Variants in NR3C1 observed in about 807,000 individuals in gnomAD.
NR3C1 encodes the protein glucocorticoid receptor.
A neutral mutation model predicts 74.0 loss-of-function variants in NR3C1; 14 were observed. The ratio of observed to expected loss-of-function variants is 0.19; its 90% CI spans 0.12 to 0.30. The LOEUF (loss-of-function observed/expected upper bound fraction) is 0.30, where lower values mean the gene tolerates loss of function less well. Ranked by LOEUF, NR3C1 falls within the 10% of genes least tolerant of loss-of-function variation. The probability of loss-of-function intolerance (pLI) is 1.00; values close to 1 mark genes in which losing one functional copy is unlikely to be tolerated. For synonymous variants in NR3C1, 308 were observed against 332.5 expected (o/e 0.93, Z 0.80); for missense variants, 695 against 909.8 (o/e 0.76, Z 3.04).
At chr5:143,419,657 C>T (rs1235224812) in intron 1 of NR3C1, among the ~76,000 whole-genome samples, 1 of 152,122 alleles carries the variant, frequency 6.6e-6, no homozygotes, top group Non-Finnish European at 1.5e-5. Context: ...GTGTGGGTCA[C>T]AGAGATCACG....
At chr5:143,420,824 A>G (rs1178293352) in intron 1 of NR3C1, among the ~76,000 whole-genome samples, 1 of 152,164 alleles carries the variant, frequency 6.6e-6, no homozygotes, top group East Asian at 1.9e-4. Context: ...CGGTAAAACC[A>G]TGTTTCTTAA....
rs183375519 is a variant in NR3C1 at position 143,332,772 on chromosome 5, C to T, written c.1185-18604G>A. The T allele has an allele frequency of 1.1e-4, 173 of 1,582,518 alleles. 1 individual carries two copies. The African/African-American group carries it at 1.4e-3, about 13-fold the overall frequency. On this transcript the variant is annotated intron_variant, in intron 2 of 8. Transcript: ENST00000394464. The stretch of plus-strand genomic sequence containing the variant: ...TAAACATTCCTTGGCCTTTGTTGTA[C>T]GCATCGAAAGGATTGATGGCGTGAG...
At chr5:143,340,907 A>G (rs947327341) in intron 2 of NR3C1, among the ~76,000 whole-genome samples, 37 of 152,272 alleles carry the variant, frequency 2.4e-4, no homozygotes, top group Non-Finnish European at 4.7e-4. Context: ...CTTGTTGTAC[A>G]TATTATTTCA....
exon 1 of NR3C1, chr5:143,435,172 C>T (rs1457200153): frequency 4.1e-6 from 4 of 985,408 alleles, no homozygotes; most frequent in Non-Finnish European, 4.8e-6. Context: ...TTCCTCCCTG[C>T]CTTCACCACT....
At chr5:143,307,814 A>C (rs1351538649) in intron 4 of NR3C1, among the ~76,000 whole-genome samples, 1 of 152,224 alleles carries the variant, frequency 6.6e-6, no homozygotes, top group East Asian at 1.9e-4. Flanking sequence ...ACTGGGTAAA[A>C]TCTGGGCAGA....
In NR3C1 at chr5:143,278,335, C is replaced by T. The variant is rs554677509; in HGVS notation, c.*3554G>A. On this transcript the variant is annotated 3_prime_UTR_variant, in exon 9 of 9. Transcript: ENST00000394464. Reference sequence around the variant, plus strand: ...TTTAATATACAAAATAGAATATTGACACACTTGAATCTATATGTAGTTAAG... The same window carrying T: ...TTTAATATACAAAATAGAATATTGATACACTTGAATCTATATGTAGTTAAG... The T allele has an allele frequency of 2.0e-5, 3 of 152,218 alleles. No individual in the cohort carries two copies. The highest frequency in any genetic ancestry group is 2.9e-5 in the Non-Finnish European group (2 of 68,008). The allele number at this position is 152,218 out of a possible 1,614,324, so 9.4% of individuals were successfully genotyped here. A position where few individuals can be genotyped will look rare whatever the true frequency, so the allele number is the denominator to read the frequency against.
intron 2 of NR3C1, among the ~76,000 whole-genome samples, chr5:143,398,354 T>C (rs1027264817): frequency 3.6e-5 from 4 of 110,406 alleles, no homozygotes; most frequent in Non-Finnish European, 8.8e-5. Context: ...CAAGGTTTTT[T>C]GGTTTTTTTT....
intron 2 of NR3C1, among the ~76,000 whole-genome samples, chr5:143,371,913 C>A (rs1600353198): frequency 6.6e-6 from 1 of 152,174 alleles, no homozygotes; most frequent in East Asian, 1.9e-4. Context: ...ACCTCTTCCC[C>A]ATCTCTGTTC....
chr5:143,299,007 T>G (rs982548817), intron 5 of NR3C1, among the ~76,000 whole-genome samples, 195 bp from the exon 6 acceptor site: 8 of 141,744 alleles, frequency 5.6e-5, no homozygotes, highest in Admixed American at 2.8e-4. Context: ...CCTCTTGTGT[T>G]TTTTTTTTTT....
rs762766248 is a variant in NR3C1 at position 143,430,453 on chromosome 5, G to A, written c.-14+4079C>T. 9.2e-5 allele frequency among the ~76,000 whole-genome samples: 14 copies of A among 152,334 alleles called. No homozygotes were observed. In the South Asian group the frequency reaches 1.5e-3, roughly 16 times the overall value. On this transcript the variant is annotated intron_variant, in intron 1 of 8. Transcript: ENST00000343796. ...TATGAGTAGGAAAGTTTCACGGTAC[G>A]TGTTGTTATATAGACTGAATGTTTG...
intron 2 of NR3C1, among the ~76,000 whole-genome samples, chr5:143,363,071 C>T (rs902817567): frequency 6.6e-5 from 10 of 152,086 alleles, no homozygotes; most frequent in Admixed American, 6.5e-4. Context: ...TTGTAAACTC[C>T]CTGGGTAAGA....
chr5:143,402,974 G>A (rs962133728), intron 1 of NR3C1, among the ~76,000 whole-genome samples: 9 of 152,172 alleles, frequency 5.9e-5, no homozygotes, highest in African/African-American at 1.7e-4. Context: ...CCGAGGTCAG[G>A]TTCCTCCCCC....
intron 2 of NR3C1, among the ~76,000 whole-genome samples, chr5:143,351,342 C>A (rs1830183849): frequency 6.6e-6 from 1 of 152,096 alleles, no homozygotes; most frequent in Admixed American, 6.5e-5. Flanking sequence ...TTATTTGGTC[C>A]CAATCTAACT....
chr5:143,352,123 CACAA>C (rs1276214537), intron 2 of NR3C1, among the ~76,000 whole-genome samples: 2 of 152,102 alleles, frequency 1.3e-5, no homozygotes, highest in Non-Finnish European at 2.9e-5. Flanking sequence ...CACACACATG[CACAA>C]ACACACACAT....
At chr5:143,361,564 T>C (rs1479691822) in intron 2 of NR3C1, among the ~76,000 whole-genome samples, 1 of 152,220 alleles carries the variant, frequency 6.6e-6, no homozygotes, top group East Asian at 1.9e-4. Context: ...TAACCCCTGA[T>C]AGTTCTTCTG....
chr5:143,290,190 C>T (rs1815527865), intron 7 of NR3C1, among the ~76,000 whole-genome samples: 1 of 152,190 alleles, frequency 6.6e-6, no homozygotes, highest in Non-Finnish European at 1.5e-5. Context: ...AATAATGTAG[C>T]TCCTTCGGTT....
intron 7 of NR3C1, among the ~76,000 whole-genome samples, chr5:143,286,780 A>AAACTC (rs1302225653): frequency 2.0e-5 from 3 of 152,178 alleles, no homozygotes; most frequent in Admixed American, 6.5e-5. Flanking sequence ...GACGTTCATA[A>AAACTC]AACTCTACTT....
chr5:143,405,282 C>T, upstream of NR3C1: 1 of 985,818 alleles, frequency 1.0e-6, no homozygotes, highest in Non-Finnish European at 1.2e-6. Context: ...GCGGGGGCTG[C>T]CGCAGCTCCA....
At chr5:143,351,990 T>C (rs916771482) in intron 2 of NR3C1, among the ~76,000 whole-genome samples, 25 of 152,188 alleles carry the variant, frequency 1.6e-4, no homozygotes, top group African/African-American at 5.5e-4. Context: ...GAAGATGTTC[T>C]AAAGATGACC....
Sources: allele counts gnomAD v4.1 joint callset (sites outside exome capture counted in the v4.1 genomes callset), GRCh38; gene constraint gnomAD v4.1.1; transcripts MANE v1.5; gene names NCBI Gene and HGNC (gene_info 2026-07-23, HGNC 2026-07-21).